The following SSH2 variants were observed in gnomAD, a reference collection of about 807,000 sequenced individuals.
The protein encoded by SSH2 is protein phosphatase Slingshot homolog 2.
A neutral mutation model predicts 135.2 loss-of-function variants in SSH2; 37 were observed. That is an observed-to-expected ratio of 0.27 (90% confidence interval 0.21 to 0.36). SSH2 has a LOEUF of 0.36. Among genes scored for constraint, SSH2 ranks in the 10% least tolerant of loss-of-function variants. SSH2 has a pLI of 1.00. For synonymous variants in SSH2, 628 were observed against 646.2 expected (o/e 0.97, Z 0.43); for missense variants, 1,408 against 1,765.3 (o/e 0.80, Z 3.63).
intron 8 of SSH2, among the ~76,000 whole-genome samples, chr17:29,674,502 A>T (rs1276333057): frequency 1.3e-5 from 2 of 152,220 alleles, no homozygotes; most frequent in African/African-American, 4.8e-5. Context: ...CAGATACTCC[A>T]GCTGCATCAG....
intron 2 of SSH2, among the ~76,000 whole-genome samples, chr17:29,829,062 G>A (rs2151357641): frequency 6.6e-6 from 1 of 152,278 alleles, no homozygotes; most frequent in Admixed American, 6.5e-5. Flanking sequence ...GTCCACATGT[G>A]ACCCATGAAT....
chr17:29,752,029 T>C (rs1464599034), intron 3 of SSH2, among the ~76,000 whole-genome samples: 3 of 152,156 alleles, frequency 2.0e-5, no homozygotes, highest in Non-Finnish European at 4.4e-5. Flanking sequence ...TAAGGAAAAC[T>C]GTACAATTTA....
intron 3 of SSH2, among the ~76,000 whole-genome samples, chr17:29,759,424 A>G (rs1241052585): frequency 6.6e-6 from 1 of 152,242 alleles, no homozygotes; most frequent in African/African-American, 2.4e-5. Flanking sequence ...GAATATACAT[A>G]GCATAAAATT....
At chr17:29,841,539 T>G (rs1376352165) in intron 2 of SSH2, among the ~76,000 whole-genome samples, 1 of 152,200 alleles carries the variant, frequency 6.6e-6, no homozygotes, top group Non-Finnish European at 1.5e-5. Context: ...ATAGAAAGAA[T>G]GTAAGTTAAT....
chr17:29,746,952 C>T (rs892925490), intron 3 of SSH2, among the ~76,000 whole-genome samples: 6 of 152,228 alleles, frequency 3.9e-5, no homozygotes, highest in South Asian at 2.1e-4. Context: ...TAAACTTTTC[C>T]GCAGTCACTA....
At chr17:29,748,673 T>A (rs757093087) in intron 3 of SSH2, among the ~76,000 whole-genome samples, 1 of 152,064 alleles carries the variant, frequency 6.6e-6, no homozygotes, top group African/African-American at 2.4e-5. Context: ...AATGCAAACA[T>A]GGAAATTTAA....
At chr17:29,734,957 T>TTA (rs1289227088) in intron 3 of SSH2, among the ~76,000 whole-genome samples, 2 of 151,870 alleles carry the variant, frequency 1.3e-5, no homozygotes, top group Non-Finnish European at 2.9e-5. Flanking sequence ...TTCAAAGAGC[T>TTA]TAAAAAGAGT....
At chr17:29,844,025 CTTTGCAT>C (rs2043089470) in intron 2 of SSH2, among the ~76,000 whole-genome samples, 1 of 152,192 alleles carries the variant, frequency 6.6e-6, no homozygotes, top group Non-Finnish European at 1.5e-5. Context: ...TTTAGACTTT[CTTTGCAT>C]CTGCCTTTTC....
At chr17:29,723,949 G>A (rs2039903671) in intron 3 of SSH2, among the ~76,000 whole-genome samples, 1 of 152,032 alleles carries the variant, frequency 6.6e-6, no homozygotes, top group African/African-American at 2.4e-5. Context: ...CTACCTTCTG[G>A]GCAAACTGAC....
chr17:29,732,994 A>C (rs2040248974), intron 3 of SSH2, among the ~76,000 whole-genome samples: 1 of 152,160 alleles, frequency 6.6e-6, no homozygotes, highest in South Asian at 2.1e-4. Flanking sequence ...AACAGGGTAA[A>C]ATGTTCAGCA....
Position 29,716,471 on chromosome 17 carries a change from C to A in SSH2, c.189-13409G>T, listed in dbSNP as rs1264171430. Reference sequence around the variant, plus strand: ...TGCCCTCAACTTGTGTACAACAATGCCAGCAGCATGCTGGTTAACATTGTA... The same window carrying A: ...TGCCCTCAACTTGTGTACAACAATGACAGCAGCATGCTGGTTAACATTGTA... On this transcript the variant is annotated intron_variant, in intron 3 of 15. Transcript: ENST00000540801. 4.3e-6 allele frequency: 3 copies of A among 695,694 alleles called. No individual in the cohort carries two copies. In the African/African-American group the frequency reaches 5.3e-5, roughly 12 times the overall value. The allele number at this position is 695,694 out of a possible 1,614,324, so 43.1% of individuals were successfully genotyped here. A position where few individuals can be genotyped will look rare whatever the true frequency, so the allele number is the denominator to read the frequency against.
intron 5 of SSH2, among the ~76,000 whole-genome samples, chr17:29,690,747 T>A (rs780727759): frequency 1.3e-5 from 2 of 152,194 alleles, no homozygotes; most frequent in Non-Finnish European, 2.9e-5. Context: ...TCAGTCTGTA[T>A]GAAATTCTTA....
intron 1 of SSH2, among the ~76,000 whole-genome samples, chr17:29,859,510 A>C (rs1432805609): frequency 1.3e-5 from 2 of 152,098 alleles, no homozygotes; most frequent in Admixed American, 6.6e-5. Flanking sequence ...ATGTGTTCTC[A>C]TCATTTAGCT....
At chr17:29,695,438 A>G in intron 5 of SSH2, 21 bp downstream of exon 5, 1 of 1,601,402 alleles carries the variant, frequency 6.2e-7, no homozygotes, top group Non-Finnish European at 8.5e-7. Flanking sequence ...GAAGAAAATT[A>G]TGATGACACC....
At chr17:29,787,533 T>C (rs1373366456) in intron 3 of SSH2, 1 of 152,090 alleles carries the variant, frequency 6.6e-6, no homozygotes, top group South Asian at 2.1e-4. Flanking sequence ...TCATATTCTA[T>C]TTTTAATTTT....
At chr17:29,679,393 T>A (rs1176925137) in intron 6 of SSH2, among the ~76,000 whole-genome samples, 1 of 151,912 alleles carries the variant, frequency 6.6e-6, no homozygotes, top group East Asian at 1.9e-4. Context: ...AATCTTTTTT[T>A]AAAATTTATT....
intron 1 of SSH2, among the ~76,000 whole-genome samples, chr17:29,915,986 C>G (rs1200236846): frequency 1.6e-5 from 2 of 123,200 alleles, no homozygotes; most frequent in African/African-American, 3.0e-5. Context: ...CCCCTCCCCC[C>G]ACCCCACAAC....
intron 3 of SSH2, among the ~76,000 whole-genome samples, chr17:29,730,406 A>G (rs1053474695): frequency 1.4e-5 from 2 of 147,538 alleles, no homozygotes; most frequent in Non-Finnish European, 3.0e-5. Context: ...GGTGACAGAT[A>G]CTCCATTTAC....
At position 29,631,341 on chromosome 17, in the gene SSH2, C is replaced by G. The variant is rs1465620986; in HGVS notation, c.3853G>C (p.Ala1285Pro). The change falls in exon 16 of 16, where the codon GCT (alanine) becomes CCT (proline). Residue 1285 changes from alanine to proline, a missense_variant. Ala to Pro is a conservative substitution (Grantham distance 27, BLOSUM62 -1). Transcript: ENST00000540801. ...LTKPSQMRRSASLAKLGYLDL... is the reference protein window; with the variant it reads ...LTKPSQMRRSPSLAKLGYLDL... ...AAGTAACCTAATTTGGCGAGAGAAG[C>G]TGAGCGCCTCATTTGGGATGGTTTG... 1.2e-6 allele frequency: 2 copies of G among 1,614,138 alleles called. No homozygotes were observed. Among genetic ancestry groups the G allele is most frequent in the Non-Finnish European group, 1.7e-6 (2 of 1,180,026 alleles).
Sources: allele counts gnomAD v4.1 joint callset (sites outside exome capture counted in the v4.1 genomes callset), GRCh38; gene constraint gnomAD v4.1.1; transcripts MANE v1.5; gene names NCBI Gene and HGNC (gene_info 2026-07-23, HGNC 2026-07-21).